Variants in NHS observed in about 807,000 individuals in gnomAD.
The protein encoded by NHS is actin remodeling regulator NHS.
Under a neutral mutation model 72.5 loss-of-function variants are expected in NHS, and 5 were observed. The observed-to-expected ratio is 0.07, with a 90% CI of 0.04 to 0.14. The LOEUF is 0.14. Ranked by LOEUF, NHS falls within the 10% of genes least tolerant of loss-of-function variation. The pLI is 1.00. For synonymous variants in NHS, 464 were observed against 547.7 expected (o/e 0.85, Z 2.13); for missense variants, 1,072 against 1,355.7 (o/e 0.79, Z 3.29).
intron 3 of NHS, among the ~76,000 whole-genome samples, chrX:17,704,724 G>C (rs1055656301): frequency 8.9e-6 from 1 of 112,227 alleles, no homozygotes; most frequent in Non-Finnish European, 1.9e-5. Context: ...AGCTCCCAGA[G>C]AGACAACATC....
rs146821842 is a variant in NHS at position 17,543,791 on chromosome X, G to A, written c.566-143951G>A. On this transcript the variant is annotated intron_variant, in intron 1 of 8. Coordinates refer to ENST00000676302, the MANE Select transcript of NHS (RefSeq NM_001291867.2). ...GCTTCTCTTCAGAGTTCGGGATTTT[G>A]CTCCCTTTTCCATGCCCCCTCCTCT... 2.7e-5 allele frequency among the ~76,000 whole-genome samples: 3 copies of A among 111,667 alleles called. No individual in the cohort carries two copies. The East Asian group carries it at 8.5e-4, about 31-fold the overall frequency.
intron 1 of NHS, among the ~76,000 whole-genome samples, chrX:17,536,373 A>AAAAC (rs755740934): frequency 2.3e-4 from 26 of 112,355 alleles, no homozygotes; most frequent in Non-Finnish European, 7.5e-5. Flanking sequence ...AAACAAACAA[A>AAAAC]AAACAAACAA....
At chrX:17,685,432 G>A (rs1343508916) in intron 1 of NHS, among the ~76,000 whole-genome samples, 1 of 111,579 alleles carries the variant, frequency 9.0e-6, no homozygotes, top group African/African-American at 3.3e-5. Flanking sequence ...CAGGAGCCAT[G>A]ACTAGGCTGC....
chrX:17,548,860 C>T (rs1402793109), intron 1 of NHS, among the ~76,000 whole-genome samples: 3 of 111,218 alleles, frequency 2.7e-5, no homozygotes, highest in South Asian at 7.6e-4. Context: ...GGCTGCCCCC[C>T]CTTGCTTTTA....
chrX:17,726,169 A>G lies in NHS; in HGVS notation c.2063A>G (p.Asn688Ser). The change falls in exon 7 of 9, where the codon AAT (asparagine) becomes AGT (serine). Residue 688 changes from asparagine (N) to serine (S), a missense_variant. Transcript: ENST00000676302. ...DASVFVTEQY[N>S]DHLDKVRGHR... is the part of the protein sequence containing the mutation. ...AGTGTTTTCGTGACAGAGCAATACAATGACCACTTGGATAAAGTGAGAGGC... is the reference window on the plus strand; with the variant it reads ...AGTGTTTTCGTGACAGAGCAATACAGTGACCACTTGGATAAAGTGAGAGGC... 1 of 1,211,961 alleles carries G rather than the reference A, an allele frequency of 8.3e-7. No individual in the cohort carries two copies. The highest frequency in any genetic ancestry group is 1.1e-6 in the Non-Finnish European group (1 of 895,540).
chrX:17,467,093 G>A (rs1367573436), intron 1 of NHS, among the ~76,000 whole-genome samples: 1 of 111,635 alleles, frequency 9.0e-6, no homozygotes, highest in Non-Finnish European at 1.9e-5. Flanking sequence ...ATGGTAAGAA[G>A]AAGGGAACAG....
intron 1 of NHS, among the ~76,000 whole-genome samples, chrX:17,407,098 C>G (rs1276446906): frequency 1.8e-5 from 2 of 111,544 alleles, no homozygotes; most frequent in East Asian, 5.7e-4. Context: ...GCATCATCTC[C>G]CATGCATTGT....
intron 1 of NHS, among the ~76,000 whole-genome samples, chrX:17,647,152 A>G (rs755738020): frequency 1.8e-5 from 2 of 112,277 alleles, no homozygotes; most frequent in African/African-American, 3.2e-5. Context: ...AAGAAAAGGG[A>G]AAAAAAAGCC....
chrX:17,656,593 C>A (rs921130967), intron 1 of NHS, among the ~76,000 whole-genome samples: 1 of 112,531 alleles, frequency 8.9e-6, no homozygotes, highest in Admixed American at 9.3e-5. Flanking sequence ...CCGCGCATAG[C>A]TCGCAGGGGC....
At chrX:17,601,321 C>A (rs1216384999) in intron 1 of NHS, among the ~76,000 whole-genome samples, 1 of 111,848 alleles carries the variant, frequency 8.9e-6, no homozygotes, top group African/African-American at 3.3e-5. Context: ...CATGGAGAAG[C>A]AGGAAGGTTG....
chrX:17,612,791 G>C (rs1305774721), intron 1 of NHS, among the ~76,000 whole-genome samples: 1 of 110,575 alleles, frequency 9.0e-6, no homozygotes, highest in Non-Finnish European at 1.9e-5. Context: ...GCCAGGCCCT[G>C]TTCTGGCTTC....
intron 1 of NHS, among the ~76,000 whole-genome samples, chrX:17,572,446 T>C (rs1356712432): frequency 2.7e-5 from 3 of 109,586 alleles, no homozygotes; most frequent in Admixed American, 9.7e-5. Context: ...CTTTTGATCT[T>C]TATTTTAAAG....
chrX:17,684,290 T>C (rs2147109399), intron 1 of NHS, among the ~76,000 whole-genome samples: 1 of 112,281 alleles, frequency 8.9e-6, no homozygotes, highest in Admixed American at 9.4e-5. Context: ...TTTCTATTAT[T>C]GCATAGCAAA....
intron 1 of NHS, among the ~76,000 whole-genome samples, chrX:17,668,578 C>G (rs2066026546): frequency 1.8e-5 from 2 of 110,522 alleles, no homozygotes; most frequent in Non-Finnish European, 3.8e-5. Flanking sequence ...CACACATTTT[C>G]ACACAGCTCA....
intron 1 of NHS, among the ~76,000 whole-genome samples, chrX:17,433,196 CTTTTTTTTTTTTT>C (rs768285319): frequency 4.6e-5 from 3 of 64,603 alleles, no homozygotes; most frequent in East Asian, 1.1e-3. Flanking sequence ...CGCCCGGCTA[CTTTTTTTTTTTTT>C]TTTTTTTTTT....
At chrX:17,520,601 G>A (rs745575691) in intron 1 of NHS, among the ~76,000 whole-genome samples, 12 of 111,947 alleles carry the variant, frequency 1.1e-4, no homozygotes, top group Middle Eastern at 9.3e-3. Context: ...GGGAAGAGAG[G>A]GAGAGACTGG....
chrX:17,376,373 C>A (rs1252214194), intron 1 of NHS, 51 bp downstream of exon 1: 1 of 1,057,527 alleles, frequency 9.5e-7, no homozygotes, highest in Admixed American at 2.6e-5. Flanking sequence ...TGCGCCGCAC[C>A]CTCGCGCCCT....
chrX:17,385,494 G>A (rs1031581400), intron 1 of NHS, among the ~76,000 whole-genome samples: 1 of 111,572 alleles, frequency 9.0e-6, no homozygotes, highest in Non-Finnish European at 1.9e-5. Flanking sequence ...AACCTGGGTG[G>A]CAGAGTAAGA....
At chrX:17,536,922 T>C (rs1016919990) in intron 1 of NHS, among the ~76,000 whole-genome samples, 6 of 112,305 alleles carry the variant, frequency 5.3e-5, no homozygotes, top group African/African-American at 1.9e-4. Context: ...GTATGGTGAG[T>C]TGAATTTTTC....
Sources: allele counts gnomAD v4.1 joint callset (sites outside exome capture counted in the v4.1 genomes callset), GRCh38; gene constraint gnomAD v4.1.1; transcripts MANE v1.5; gene names NCBI Gene and HGNC (gene_info 2026-07-23, HGNC 2026-07-21).